Variants in NAP1L4 observed in about 807,000 individuals in gnomAD.
NAP1L4 encodes the protein nucleosome assembly protein 1-like 4.
Under a neutral mutation model 58.2 loss-of-function variants are expected in NAP1L4, and 15 were observed. The observed-to-expected ratio is 0.26, with a 90% CI of 0.17 to 0.40. NAP1L4 has a LOEUF of 0.40. Ranked by LOEUF, NAP1L4 falls within the 10% of genes least tolerant of loss-of-function variation. The pLI, the probability that NAP1L4 is intolerant of heterozygous loss-of-function variation, is 1.00. For synonymous variants in NAP1L4, 171 were observed against 155.6 expected (o/e 1.10, Z -0.74); for missense variants, 384 against 451.1 (o/e 0.85, Z 1.35).
At position 2,949,376 on chromosome 11, in the gene NAP1L4, A is replaced by T. The variant is rs762414847; in HGVS notation, c.1123-112T>A. Reference sequence around the variant, plus strand: ...TCTCATGATACAAAAGGGCTGCAAGATACTGAACTCGGGGTGAACAACTTC... The same window carrying T: ...TCTCATGATACAAAAGGGCTGCAAGTTACTGAACTCGGGGTGAACAACTTC... On this transcript the variant is annotated intron_variant, in intron 14 of 15. Coordinates refer to ENST00000380542, the MANE Select transcript of NAP1L4 (RefSeq NM_005969.4). This position sits in a 1 kb window ranked among gnomAD's most constrained non-coding sequence, Gnocchi z 4.0. 20 of 863,392 alleles carry T rather than the reference A, an allele frequency of 2.3e-5. No homozygotes were observed. Among genetic ancestry groups the T allele is most frequent in the Non-Finnish European group, 3.7e-5 (19 of 509,796 alleles). The allele number at this position is 863,392 out of a possible 1,614,324, so 53.5% of individuals were successfully genotyped here.
chr11:2,987,196 T>C (rs2134026098), intron 1 of NAP1L4, among the ~76,000 whole-genome samples: 1 of 152,230 alleles, frequency 6.6e-6, no homozygotes, highest in East Asian at 1.9e-4. Context: ...ATTTCATTTC[T>C]ATTGCCCAGG....
At position 2,971,510 on chromosome 11, in the gene NAP1L4, C is replaced by A; in HGVS notation, c.340G>T (p.Val114Phe). ...TCCGATTCCGCATCTGTTGGTTCAA[C>A]ATCGCCGGTGATAAATTCTCTTCTC... ...DKRREFITGD[V>F]EPTDAESEWH... The change falls in exon 6 of 16, where the codon GTT becomes TTT. Residue 114 changes from valine (V) to phenylalanine (F), a missense_variant. Physicochemically the swap from Val to Phe is conservative, Grantham distance 50. Around this residue, in one of 3 missense-constraint regions of NAP1L4, gnomAD observed 296 missense variants for 360.8 expected, o/e 0.82. Transcript: ENST00000380542. The surrounding 1 kb of genome is among the most constrained non-coding windows in gnomAD (Gnocchi z 4.2). 6.2e-7 allele frequency: 1 copy of A among 1,613,820 alleles called. No homozygotes were observed. The highest frequency in any genetic ancestry group is 8.5e-7 in the Non-Finnish European group (1 of 1,180,008).
chr11:2,971,663 C>T lies in NAP1L4; in HGVS notation c.316-129G>A. Reference sequence around the variant, plus strand: ...TATTTTTATAACTTATTTTAAGATTCTAAATTTTAGGGTTCAAAGAAAAAT... The same window carrying T: ...TATTTTTATAACTTATTTTAAGATTTTAAATTTTAGGGTTCAAAGAAAAAT... On this transcript the variant is annotated intron_variant, in intron 5 of 15. Coordinates refer to ENST00000380542, the MANE Select transcript of NAP1L4 (RefSeq NM_005969.4). This position sits in a 1 kb window ranked among gnomAD's most constrained non-coding sequence, Gnocchi z 4.2. The T allele has an allele frequency of 1.3e-6, 1 of 772,160 alleles. No homozygotes were observed. Among genetic ancestry groups the T allele is most frequent in the South Asian group, 2.0e-5 (1 of 49,040 alleles). 47.8% of individuals were successfully genotyped at this position (772,160 alleles called of 1,614,324 possible). A position where few individuals can be genotyped will look rare whatever the true frequency, so the allele number is the denominator to read the frequency against.
At chr11:2,983,110 A>G (rs1488357614) in intron 1 of NAP1L4, among the ~76,000 whole-genome samples, 1 of 152,210 alleles carries the variant, frequency 6.6e-6, no homozygotes, top group Admixed American at 6.5e-5. Context: ...ACTGTTCAGC[A>G]GCATCTCCAA....
rs1290610821 is a variant in NAP1L4 at position 2,955,030 on chromosome 11, T to C, written c.916-384A>G. Among the ~76,000 whole-genome samples the C allele has an allele frequency of 6.6e-6, 1 of 152,194 alleles. No homozygotes were observed. Among genetic ancestry groups the C allele is most frequent in the East Asian group, 1.9e-4 (1 of 5,204 alleles). ...ACTTAGATGTGTAATGATTTCAAAT[T>C]AATCCCAGAGTTTTAGGAAACAGAA... On this transcript the variant is annotated intron_variant, in intron 11 of 15. Coordinates refer to ENST00000380542, the MANE Select transcript of NAP1L4 (RefSeq NM_005969.4). The surrounding 1 kb of genome is among the most constrained non-coding windows in gnomAD (Gnocchi z 4.2).
Position 2,944,637 on chromosome 11 carries a change from AAACCC to A in NAP1L4, c.*1037_*1041del, listed in dbSNP as rs1845843805. ...CCACCAGCCGCCAAGCGGTCACACC[AAACCC>A]AGGACCTTCAGACAGGATGAATGGT... is the stretch of plus-strand genomic sequence containing the variant. On this transcript the variant is annotated 3_prime_UTR_variant, in exon 16 of 16. Transcript: ENST00000380542. 3 of 152,282 alleles carry A rather than the reference AAACCC, an allele frequency of 2.0e-5. No individual in the cohort carries two copies. Among genetic ancestry groups the A allele is most frequent in the Admixed American group, 2.0e-4 (3 of 15,286 alleles). 9.4% of individuals were successfully genotyped at this position (152,282 alleles called of 1,614,324 possible). A position where few individuals can be genotyped will look rare whatever the true frequency, so the allele number is the denominator to read the frequency against.
intron 1 of NAP1L4, among the ~76,000 whole-genome samples, chr11:2,988,917 G>C (rs1848802173): frequency 6.6e-6 from 1 of 152,158 alleles, no homozygotes; most frequent in Non-Finnish European, 1.5e-5. Context: ...ACAAAGTAAA[G>C]CAACCCTGTT....
rs1231105686 is a variant in NAP1L4 at position 2,946,131 on chromosome 11, C to T, written c.*33-485G>A. Among the ~76,000 whole-genome samples, 1 of 152,184 alleles carries T rather than the reference C, an allele frequency of 6.6e-6. No homozygotes were observed. The highest frequency in any genetic ancestry group is 1.5e-5 in the Non-Finnish European group (1 of 68,034). On this transcript the variant is annotated intron_variant, in intron 15 of 15. Coordinates refer to ENST00000380542, the MANE Select transcript of NAP1L4 (RefSeq NM_005969.4). The surrounding 1 kb of genome is among the most constrained non-coding windows in gnomAD (Gnocchi z 4.8). ...GGCGCTCATGGAAAGCACATCTCTC[C>T]TCTAGCGGGTTCCTGCTCTTTGTAC... is the stretch of plus-strand genomic sequence containing the variant.
chr11:2,991,143 C>T, intron 1 of NAP1L4: 1 of 456,332 alleles, frequency 2.2e-6, no homozygotes, highest in East Asian at 7.0e-5. Flanking sequence ...GCACAGTCAC[C>T]CAGGCAGGTG....
At chr11:2,973,988 G>C (rs1847801876) in intron 4 of NAP1L4, among the ~76,000 whole-genome samples, 1 of 152,122 alleles carries the variant, frequency 6.6e-6, no homozygotes, top group South Asian at 2.1e-4. Flanking sequence ...GGCTGGTCTC[G>C]AACTCCTGAG....
chr11:2,945,788 G>T, intron 15 of NAP1L4, 142 bp from the exon 16 acceptor site: 1 of 659,422 alleles, frequency 1.5e-6, no homozygotes, highest in Non-Finnish European at 2.4e-6. Flanking sequence ...TTTAAAAATA[G>T]TGACAAAAAC....
chr11:2,967,616 A>G (rs147917100), intron 7 of NAP1L4, among the ~76,000 whole-genome samples: 2,324 of 150,742 alleles, frequency 0.015, 33 homozygotes, highest in East Asian at 0.037. Flanking sequence ...GTTAAAAAAA[A>G]AAAAAAAAGA....
intron 15 of NAP1L4, 62 bp from the exon 16 acceptor site, chr11:2,945,708 C>A: frequency 7.4e-7 from 1 of 1,356,724 alleles, no homozygotes; most frequent in Non-Finnish European, 1.0e-6. Flanking sequence ...CAATTAGCTC[C>A]AATCAACAAT....
rs1848149318 is a variant in NAP1L4, at chr11:2,979,116, CTTTGATTCTAATTATTTAT to C, written c.14+72_14+90del. 3.7e-6 allele frequency: 5 copies of C among 1,344,008 alleles called. No homozygotes were observed. The African/African-American group carries it at 7.4e-5, about 20-fold the overall frequency. The allele number at this position is 1,344,008 out of a possible 1,614,324, so 83.3% of individuals were successfully genotyped here. A position where few individuals can be genotyped will look rare whatever the true frequency, so the allele number is the denominator to read the frequency against. On this transcript the variant is annotated intron_variant, in intron 2 of 15. Coordinates refer to ENST00000380542, the MANE Select transcript of NAP1L4 (RefSeq NM_005969.4). Reference sequence around the variant, plus strand: ...CAGCTAGACGCTGAAATGCATTTAACTTTGATTCTAATTATTTATTGAAAAATGGCTTGGCTGTTGCTCA... The same window carrying C: ...CAGCTAGACGCTGAAATGCATTTAACTGAAAAATGGCTTGGCTGTTGCTCA...
intron 1 of NAP1L4, among the ~76,000 whole-genome samples, chr11:2,980,210 G>C (rs1204835084): frequency 6.6e-6 from 1 of 151,970 alleles, no homozygotes; most frequent in East Asian, 1.9e-4. Context: ...CATTTTTTTT[G>C]AGACAGGATC....
At position 2,959,616 on chromosome 11, in the gene NAP1L4, T is replaced by C. The variant is rs564481388; in HGVS notation, c.746+154A>G. ...TTCTGCACTATGAGCATTCCCAAACTGAAAGACTATTGAAATATACATCTA... is the reference window on the plus strand; with the variant it reads ...TTCTGCACTATGAGCATTCCCAAACCGAAAGACTATTGAAATATACATCTA... On this transcript the variant is annotated intron_variant, in intron 9 of 15. Transcript: ENST00000380542. The surrounding 1 kb of genome is among the most constrained non-coding windows in gnomAD (Gnocchi z 4.9). 6.6e-6 allele frequency among the ~76,000 whole-genome samples: 1 copy of C among 152,392 alleles called. No homozygotes were observed. Among genetic ancestry groups the C allele is most frequent in the East Asian group, 1.9e-4 (1 of 5,186 alleles).
intron 8 of NAP1L4, chr11:2,963,740 A>G (rs757057656): frequency 7.7e-6 from 4 of 519,104 alleles, no homozygotes; most frequent in African/African-American, 1.9e-5. Flanking sequence ...ACCCACACCC[A>G]AGATCCCTAA....
intron 4 of NAP1L4, 48 bp downstream of exon 4, chr11:2,975,976 C>A (rs757153119): frequency 6.6e-7 from 1 of 1,510,644 alleles, no homozygotes; most frequent in Non-Finnish European, 9.0e-7. Context: ...CCTTTATTTT[C>A]CTTTTGTTTC....
chr11:2,963,104 A>G (rs201668637), intron 8 of NAP1L4, among the ~76,000 whole-genome samples: 1 of 150,764 alleles, frequency 6.6e-6, no homozygotes, highest in East Asian at 1.9e-4. Flanking sequence ...GTCTCAAAAA[A>G]AAAAAAAAAA....
Sources: allele counts gnomAD v4.1 joint callset (sites outside exome capture counted in the v4.1 genomes callset), GRCh38; gene constraint gnomAD v4.1.1; regional missense constraint gnomAD v4.1.1; non-coding constraint Gnocchi (gnomAD v3.1); transcripts MANE v1.5; gene names NCBI Gene and HGNC (gene_info 2026-07-23, HGNC 2026-07-21).